DIAPH2: variants seen among roughly 807,000 people sequenced by gnomAD.
DIAPH2 encodes the protein protein diaphanous homolog 2.
Under a neutral mutation model 92.7 loss-of-function variants are expected in DIAPH2, and 35 were observed. That is an observed-to-expected ratio of 0.38 (90% CI 0.29 to 0.50). The LOEUF (loss-of-function observed/expected upper bound fraction) is 0.50, where lower values mean the gene tolerates loss of function less well. Among genes scored for constraint, DIAPH2 ranks in the 20% least tolerant of loss-of-function variants. The pLI, the probability that DIAPH2 is intolerant of heterozygous loss-of-function variation, is 0.94. For missense variants in DIAPH2, 701 were observed against 819.5 expected, an observed-to-expected ratio of 0.86 and a Z score of 1.77; for synonymous variants, 301 against 280.4, an observed-to-expected ratio of 1.07 and a Z score of -0.73.
At chrX:96,715,650 C>A (rs2063945354) in intron 1 of DIAPH2, among the ~76,000 whole-genome samples, 1 of 111,251 alleles carries the variant, frequency 9.0e-6, no homozygotes, top group Non-Finnish European at 1.9e-5. Context: ...TGCTTTGCCT[C>A]ATCTTTATTT....
At chrX:97,074,803 T>C (rs776421011) in intron 18 of DIAPH2, among the ~76,000 whole-genome samples, 1 of 112,260 alleles carries the variant, frequency 8.9e-6, no homozygotes, top group Non-Finnish European at 1.9e-5. Context: ...ATCTCCACAC[T>C]AAGTTCTTCA....
chrX:97,553,175 G>A (rs752647773), intron 26 of DIAPH2, among the ~76,000 whole-genome samples: 3 of 112,321 alleles, frequency 2.7e-5, no homozygotes, highest in Non-Finnish European at 5.6e-5. Context: ...TGTGCTGAAT[G>A]TATTTTTAAC....
At chrX:97,368,753 A>G (rs1428766790) in intron 24 of DIAPH2, among the ~76,000 whole-genome samples, 2 of 111,259 alleles carry the variant, frequency 1.8e-5, no homozygotes, top group Non-Finnish European at 3.8e-5. Context: ...TTTACACTAA[A>G]TTAATCAGCA....
intron 23 of DIAPH2, among the ~76,000 whole-genome samples, chrX:97,318,560 T>TCGGCTCA (rs1400681872): frequency 1.1e-5 from 1 of 92,181 alleles, no homozygotes; most frequent in Non-Finnish European, 2.1e-5. Flanking sequence ...TGGCATAATC[T>TCGGCTCA]CGGCTCACTG....
chrX:96,793,852 T>G (rs2064518976), intron 4 of DIAPH2, among the ~76,000 whole-genome samples: 1 of 111,975 alleles, frequency 8.9e-6, no homozygotes, highest in Admixed American at 9.5e-5. Flanking sequence ...AGTAGTGTGG[T>G]GCACAGTAAA....
At chrX:97,121,960 A>C in intron 21 of DIAPH2, among the ~76,000 whole-genome samples, 1 of 111,873 alleles carries the variant, frequency 8.9e-6, no homozygotes, top group Non-Finnish European at 1.9e-5. Flanking sequence ...AGAAAACTAA[A>C]GCCCAGTGAG....
chrX:96,991,293 T>A (rs1305383014), intron 17 of DIAPH2, among the ~76,000 whole-genome samples: 1 of 109,956 alleles, frequency 9.1e-6, no homozygotes, highest in Non-Finnish European at 1.9e-5. Flanking sequence ...TTTTTTTGTA[T>A]TTTTTGTAGA....
chrX:97,185,019 A>T (rs964465564), intron 22 of DIAPH2, among the ~76,000 whole-genome samples: 1 of 107,712 alleles, frequency 9.3e-6, no homozygotes, highest in South Asian at 4.2e-4. Flanking sequence ...TGGCTCACGC[A>T]TGTAATCCCA....
At chrX:96,984,623 G>A (rs745836609) in intron 17 of DIAPH2, among the ~76,000 whole-genome samples, 1 of 111,162 alleles carries the variant, frequency 9.0e-6, no homozygotes, top group Non-Finnish European at 1.9e-5. Context: ...GATTAATATG[G>A]TTAGAATTGC....
intron 18 of DIAPH2, among the ~76,000 whole-genome samples, chrX:97,074,813 A>G (rs2066694260): frequency 8.9e-6 from 1 of 112,146 alleles, no homozygotes; most frequent in South Asian, 3.7e-4. Flanking sequence ...TAAGTTCTTC[A>G]TTGAATAAAA....
At chrX:96,950,982 C>T (rs973173917) in intron 15 of DIAPH2, among the ~76,000 whole-genome samples, 5 of 111,663 alleles carry the variant, frequency 4.5e-5, no homozygotes, top group Admixed American at 2.8e-4. Flanking sequence ...TTGTTCATGA[C>T]GAAAGCATTC....
At chrX:97,491,179 C>A (rs776042521) in intron 26 of DIAPH2, among the ~76,000 whole-genome samples, 42 of 110,851 alleles carry the variant, frequency 3.8e-4, no homozygotes, top group Non-Finnish European at 6.4e-4. Context: ...GCCTCTATGT[C>A]GGTTTTTGAC....
chrX:97,000,766 T>C (rs2066138440), intron 17 of DIAPH2, among the ~76,000 whole-genome samples: 1 of 112,069 alleles, frequency 8.9e-6, no homozygotes, highest in Admixed American at 9.5e-5. Context: ...GCCATTGTTA[T>C]CCATCAGTTC....
intron 4 of DIAPH2, among the ~76,000 whole-genome samples, chrX:96,833,264 G>A (rs1390050578): frequency 9.0e-6 from 1 of 111,084 alleles, no homozygotes; most frequent in Non-Finnish European, 1.9e-5. Context: ...TAAGATATTT[G>A]TATACAGAAA....
intron 17 of DIAPH2, among the ~76,000 whole-genome samples, chrX:97,007,769 T>C (rs1407250617): frequency 2.1e-5 from 2 of 97,509 alleles, no homozygotes; most frequent in East Asian, 3.1e-4. Context: ...TTCTTTTTTT[T>C]TTTTTTTTTT....
chrX:96,875,385 A>G (rs1041882911), intron 4 of DIAPH2, among the ~76,000 whole-genome samples: 4 of 112,117 alleles, frequency 3.6e-5, no homozygotes, highest in Non-Finnish European at 7.5e-5. Flanking sequence ...CAATAAGGGA[A>G]CAATAAATGA....
At chrX:97,410,400 C>A (rs1439032269) in intron 25 of DIAPH2, among the ~76,000 whole-genome samples, 1 of 111,772 alleles carries the variant, frequency 8.9e-6, no homozygotes, top group Non-Finnish European at 1.9e-5. Context: ...AAAACCGAAT[C>A]TGTAGGTCAC....
chrX:97,383,879 G>C (rs2069573648), intron 24 of DIAPH2, 30 bp from the exon 25 acceptor site: 2 of 1,122,088 alleles, frequency 1.8e-6, no homozygotes, highest in Non-Finnish European at 2.4e-6. Context: ...TAATGGAAAG[G>C]TTTCCATTTA....
intron 4 of DIAPH2, among the ~76,000 whole-genome samples, chrX:96,855,240 A>G (rs907282320): frequency 9.0e-6 from 1 of 110,544 alleles, no homozygotes; most frequent in Admixed American, 9.7e-5. Flanking sequence ...AAACTATAGT[A>G]TAACTAAATT....
Sources: gnomAD v4.1 joint callset for allele counts (sites outside exome capture counted in the v4.1 genomes callset) on GRCh38, gnomAD v4.1.1 for gene constraint, MANE v1.5 for transcripts, NCBI Gene and HGNC (gene_info 2026-07-23, HGNC 2026-07-21) for gene names.